The following SHOC2 variants were observed in gnomAD, a reference collection of about 807,000 sequenced individuals.
The protein encoded by SHOC2 is SHOC2 leucine rich repeat scaffold protein.
In SHOC2, 4 loss-of-function variants were observed where a neutral mutation model predicts 50.2. The observed-to-expected ratio is 0.08, with a 90% CI of 0.04 to 0.18. The LOEUF (loss-of-function observed/expected upper bound fraction) is 0.18, where lower values mean the gene tolerates loss of function less well. Among genes scored for constraint, SHOC2 ranks in the 10% least tolerant of loss-of-function variants. The pLI is 1.00. For synonymous variants in SHOC2, 218 were observed against 244.5 expected (o/e 0.89, Z 1.01); for missense variants, 388 against 669.6 (o/e 0.58, Z 4.64).
intron 1 of SHOC2, among the ~76,000 whole-genome samples, chr10:110,928,679 T>TG (rs1846825504): frequency 6.6e-6 from 1 of 151,602 alleles, no homozygotes; most frequent in African/African-American, 2.4e-5. Context: ...ATGGATCGCT[T>TG]GACTCACAAG....
At chr10:110,994,006 A>G (rs1339483663) in intron 3 of SHOC2, among the ~76,000 whole-genome samples, 1 of 152,164 alleles carries the variant, frequency 6.6e-6, no homozygotes, top group Non-Finnish European at 1.5e-5. Context: ...GACTTCAAAG[A>G]CCCCTTGGTG....
intron 4 of SHOC2, 28 bp downstream of exon 4, chr10:111,000,573 T>A (rs1348221145): frequency 1.3e-6 from 2 of 1,587,408 alleles, no homozygotes; most frequent in Admixed American, 1.7e-5. Flanking sequence ...GAAAACAAGA[T>A]TTGAAATGAG....
intron 4 of SHOC2, among the ~76,000 whole-genome samples, chr10:111,002,695 A>G (rs956733566): frequency 2.0e-5 from 3 of 152,156 alleles, no homozygotes; most frequent in Non-Finnish European, 2.9e-5. Flanking sequence ...GGTAAGAGGT[A>G]TATTGATTAT....
chr10:110,936,478 C>T (rs2134083765), intron 1 of SHOC2: 2 of 565,146 alleles, frequency 3.5e-6, no homozygotes, highest in South Asian at 2.2e-5. Context: ...CGTAGATTCT[C>T]AAAGGATTCT....
chr10:110,955,871 A>T (rs748790450), intron 1 of SHOC2, among the ~76,000 whole-genome samples: 1 of 152,200 alleles, frequency 6.6e-6, no homozygotes, highest in Non-Finnish European at 1.5e-5. Flanking sequence ...CTCGTTGAAG[A>T]GTTAGGAGGA....
At chr10:110,922,918 T>G (rs1435521791) in intron 1 of SHOC2, among the ~76,000 whole-genome samples, 1 of 152,122 alleles carries the variant, frequency 6.6e-6, no homozygotes, top group Non-Finnish European at 1.5e-5. Flanking sequence ...TAAGTACTTT[T>G]ATGTGATACT....
intron 3 of SHOC2, among the ~76,000 whole-genome samples, chr10:110,996,562 G>C (rs1848272052): frequency 6.6e-6 from 1 of 151,710 alleles, no homozygotes; most frequent in Non-Finnish European, 1.5e-5. Flanking sequence ...GGTGGGATTG[G>C]AGAAGGGACA....
At chr10:110,928,588 T>G (rs961744098) in intron 1 of SHOC2, among the ~76,000 whole-genome samples, 2 of 152,068 alleles carry the variant, frequency 1.3e-5, no homozygotes, top group African/African-American at 4.8e-5. Context: ...AGGATGGACT[T>G]AAATTTGCTT....
chr10:110,979,714 A>G (rs538306054), intron 2 of SHOC2, among the ~76,000 whole-genome samples: 15 of 152,322 alleles, frequency 9.8e-5, no homozygotes, highest in Non-Finnish European at 1.9e-4. Context: ...TTTTTCCCCC[A>G]TAGTTAGCCA....
Position 111,009,789 on chromosome 10 carries a change from G to A in SHOC2, c.1499G>A (p.Gly500Asp). 5 of 1,612,568 alleles carry A rather than the reference G, an allele frequency of 3.1e-6. No homozygotes were observed. The South Asian group carries it at 4.4e-5, about 14-fold the overall frequency. ...IGHLTNLTHL[G>D]LGENLLTHLP... The stretch of plus-strand genomic sequence containing the variant: ...CACCTTACTAATCTCACACATCTGG[G>A]CCTTGGAGAGAACCTACTTACTCAC... The change falls in exon 8 of 9, where the codon GGC (glycine) becomes GAC (aspartate). Residue 500 changes from glycine to aspartate, a missense_variant. Gly to Asp is a moderately conservative substitution (Grantham distance 94). Around this residue, in one of 5 missense-constraint regions of SHOC2, gnomAD observed 130 missense variants for 208.6 expected, o/e 0.62. Coordinates refer to ENST00000369452, the MANE Select transcript of SHOC2 (RefSeq NM_007373.4).
chr10:110,998,780 T>C (rs1848315244), intron 3 of SHOC2, among the ~76,000 whole-genome samples: 2 of 152,172 alleles, frequency 1.3e-5, no homozygotes, highest in African/African-American at 4.8e-5. Flanking sequence ...ATCTTGAAAA[T>C]GTAAAGGCTA....
rs772553111 is a variant in SHOC2, at chr10:110,930,735, CTT to C, written c.-235+11092_-235+11093del. Among the ~76,000 whole-genome samples the C allele has an allele frequency of 4.4e-3, 422 of 96,808 alleles. 8 individuals are homozygous for C. The highest frequency in any genetic ancestry group is 0.013 in the African/African-American group (383 of 29,260). 63.5% of individuals were successfully genotyped at this position (96,808 alleles called of 152,430 possible). On this transcript the variant is annotated intron_variant, in intron 1 of 8. Transcript: ENST00000369452. ...TTTAAGCAAATATTCACGAGTAAATCTTTTTTTTTTTTTTTGGTAGTGTTTGT... is the reference window on the plus strand; with the variant it reads ...TTTAAGCAAATATTCACGAGTAAATCTTTTTTTTTTTTTGGTAGTGTTTGT...
Position 111,004,509 on chromosome 10 carries a change from CA to C in SHOC2, c.973-94del, listed in dbSNP as rs1848434324. The C allele has an allele frequency of 8.2e-6, 7 of 853,056 alleles. No individual in the cohort carries two copies. The East Asian group carries it at 1.8e-4, about 22-fold the overall frequency. 52.8% of individuals were successfully genotyped at this position (853,056 alleles called of 1,614,324 possible). A position where few individuals can be genotyped will look rare whatever the true frequency, so the allele number is the denominator to read the frequency against. ...CCAGTCTCTGTCATTTGTCACCCCC[CA>C]AAGCCCTTTGAGGCATTTGTGTTGG... On this transcript the variant is annotated intron_variant, in intron 4 of 8. Transcript: ENST00000369452.
chr10:110,943,803 G>A (rs954151113), intron 1 of SHOC2, among the ~76,000 whole-genome samples: 2 of 152,198 alleles, frequency 1.3e-5, no homozygotes, highest in Non-Finnish European at 2.9e-5. Context: ...TTAATCTTGA[G>A]GCAGTAGGAA....
chr10:110,923,813 A>G (rs1330809060), intron 1 of SHOC2, among the ~76,000 whole-genome samples: 2 of 152,220 alleles, frequency 1.3e-5, no homozygotes, highest in African/African-American at 4.8e-5. Flanking sequence ...TCTTTTGTTG[A>G]TAGCACTAGG....
At chr10:110,932,829 G>C (rs1053283080) in intron 1 of SHOC2, among the ~76,000 whole-genome samples, 3 of 151,968 alleles carry the variant, frequency 2.0e-5, no homozygotes, top group Non-Finnish European at 4.4e-5. Flanking sequence ...CAAAGTGCAA[G>C]GTATACTAAG....
At chr10:110,956,297 T>C (rs1371188394) in intron 1 of SHOC2, among the ~76,000 whole-genome samples, 2 of 152,020 alleles carry the variant, frequency 1.3e-5, no homozygotes, top group African/African-American at 4.8e-5. Context: ...CACTGCAACC[T>C]CCGCCTCCCG....
At chr10:110,930,528 A>G (rs1846872358) in intron 1 of SHOC2, among the ~76,000 whole-genome samples, 1 of 152,098 alleles carries the variant, frequency 6.6e-6, no homozygotes, top group South Asian at 2.1e-4. Flanking sequence ...AAAATACTAT[A>G]TTGAATATTG....
intron 1 of SHOC2, chr10:110,937,300 G>A: frequency 1.4e-6 from 1 of 708,704 alleles, no homozygotes. Flanking sequence ...GTGTTTCAGT[G>A]ATGCCAAATG....
Sources: allele counts gnomAD v4.1 joint callset (sites outside exome capture counted in the v4.1 genomes callset), GRCh38; gene constraint gnomAD v4.1.1; regional missense constraint gnomAD v4.1.1; transcripts MANE v1.5; gene names NCBI Gene and HGNC (gene_info 2026-07-23, HGNC 2026-07-21).